The following RGS12 variants were observed in gnomAD, a reference collection of about 807,000 sequenced individuals.
RGS12 encodes the protein regulator of G-protein signaling 12.
RGS12 carries 66 observed loss-of-function variants against 120.1 expected under a neutral mutation model. The observed-to-expected ratio is 0.55, with a 90% CI of 0.45 to 0.67. The LOEUF (loss-of-function observed/expected upper bound fraction) is 0.67. Among genes scored for constraint, RGS12 ranks in the 30% least tolerant of loss-of-function variants. The pLI is 0.00. For missense variants in RGS12, 1,859 were observed against 1,957.7 expected, an observed-to-expected ratio of 0.95 and a Z score of 0.95; for synonymous variants, 827 against 804.7, an observed-to-expected ratio of 1.03 and a Z score of -0.47.
At chr4:3,421,964 C>T (rs527469277) in intron 10 of RGS12, among the ~76,000 whole-genome samples, 5 of 152,320 alleles carry the variant, frequency 3.3e-5, no homozygotes, top group African/African-American at 4.8e-5. Flanking sequence ...ACAGTCCAGG[C>T]GACGTTTCCA....
At chr4:3,297,347 C>A (rs1285433995) in intron 1 of RGS12, among the ~76,000 whole-genome samples, 1 of 152,190 alleles carries the variant, frequency 6.6e-6, no homozygotes, top group African/African-American at 2.4e-5. Flanking sequence ...CTGGCCGCAG[C>A]CCCCAGAGGC....
At chr4:3,438,343 C>T (rs1351117982) in intron 17 of RGS12, among the ~76,000 whole-genome samples, 4 of 149,504 alleles carry the variant, frequency 2.7e-5, no homozygotes, top group Admixed American at 2.0e-4. Flanking sequence ...TCCTCTGGGT[C>T]GGCAACGTCA....
intron 3 of RGS12, among the ~76,000 whole-genome samples, chr4:3,371,943 G>T (rs533723654): frequency 3.3e-5 from 5 of 152,254 alleles, no homozygotes; most frequent in East Asian, 1.9e-4. Flanking sequence ...CAAAGAGCAC[G>T]CGGGGGAGCT....
At position 3,389,978 on chromosome 4, in the gene RGS12, C is replaced by T. The variant is rs1210846967; in HGVS notation, c.2020+3541C>T. 6.6e-6 allele frequency among the ~76,000 whole-genome samples: 1 copy of T among 152,200 alleles called. No individual in the cohort carries two copies. The highest frequency in any genetic ancestry group is 2.4e-5 in the African/African-American group (1 of 41,442). On this transcript the variant is annotated intron_variant, in intron 4 of 17. Coordinates refer to ENST00000336727, the MANE Select transcript of RGS12 (RefSeq NM_001394154.1). The surrounding 1 kb of genome is among the most constrained non-coding windows in gnomAD (Gnocchi z 5.2). Reference sequence around the variant, plus strand: ...CCACTCTGTCCACTCAGCTGCCCCCCTACTCGTCCTCCATGCAGACCTCAG... The same window carrying T: ...CCACTCTGTCCACTCAGCTGCCCCCTTACTCGTCCTCCATGCAGACCTCAG...
rs1718860231 is a variant in RGS12 at position 3,386,413 on chromosome 4, C to T, written c.1999-3C>T. 6.2e-7 allele frequency: 1 copy of T among 1,612,324 alleles called. No homozygotes were observed. The highest frequency in any genetic ancestry group is 2.2e-5 in the East Asian group (1 of 44,870). On this transcript the variant is annotated splice_polypyrimidine_tract_variant and splice_region_variant and intron_variant, in intron 3 of 17. Transcript: ENST00000336727. ...ACTCATGTCTCTCTCTCTTTTCTTT[C>T]AGTCTGCAACTGTGTCTGATGGCGG...
At chr4:3,294,022 C>CTGTGGAGTGTAGACAGAGCCATGGAGTGT (rs1553925810) in intron 1 of RGS12, among the ~76,000 whole-genome samples, 3 of 152,246 alleles carry the variant, frequency 2.0e-5, no homozygotes, top group South Asian at 2.1e-4. Flanking sequence ...GGAGTGTGGA[C>CTGTGGAGTGTAGACAGAGCCATGGAGTGT]AGAGAGGACC....
intron 3 of RGS12, chr4:3,385,781 A>ACTGCTGGT (rs1361808428): frequency 6.5e-6 from 1 of 153,564 alleles, no homozygotes; most frequent in Non-Finnish European, 1.4e-5. Context: ...GCGTCTCCCC[A>ACTGCTGGT]ACCCTCCTGC....
In RGS12 at chr4:3,430,875, AG is replaced by A. The variant is rs1405929010; in HGVS notation, c.4039del (p.Asp1347ThrfsTer46). ...EHVAELTLMG[E>X]GDISSPNSTL... Reference sequence around the variant, plus strand: ...GTGGCCGAGCTGACCCTGATGGGGGAGGGGGACATCAGCAGCCCCAACAGCA... The same window carrying A: ...GTGGCCGAGCTGACCCTGATGGGGGAGGGGACATCAGCAGCCCCAACAGCA... On this transcript the variant is annotated frameshift_variant, in exon 17 of 18. Transcript: ENST00000336727. LOFTEE classifies it high-confidence loss of function. The A allele has an allele frequency of 6.2e-7, 1 of 1,612,312 alleles. No homozygotes were observed. Among genetic ancestry groups the A allele is most frequent in the Admixed American group, 1.7e-5 (1 of 59,912 alleles).
At chr4:3,423,182 G>A (rs775638105) in intron 12 of RGS12, among the ~76,000 whole-genome samples, 2 of 152,208 alleles carry the variant, frequency 1.3e-5, no homozygotes, top group Non-Finnish European at 2.9e-5. Flanking sequence ...TCTCCTCCCT[G>A]TCCCGTGAAC....
In RGS12 at chr4:3,372,653, C is replaced by G. The variant is rs551417793; in HGVS notation, c.1999-13763C>G. Among the ~76,000 whole-genome samples, 1 of 152,324 alleles carries G rather than the reference C, an allele frequency of 6.6e-6. No homozygotes were observed. Among genetic ancestry groups the G allele is most frequent in the South Asian group, 2.1e-4 (1 of 4,826 alleles). ...GTGGTTTTGTGACGTCTCAGGGTGT[C>G]CTTTCTTTCCTTCATGAGAAGAAGT... is the stretch of plus-strand genomic sequence containing the variant. On this transcript the variant is annotated intron_variant, in intron 3 of 17. Transcript: ENST00000336727. The surrounding 1 kb of genome is among the most constrained non-coding windows in gnomAD (Gnocchi z 4.3).
At chr4:3,342,600 C>T (rs759242010) in intron 2 of RGS12, 1 of 1,317,304 alleles carries the variant, frequency 7.6e-7, no homozygotes, top group Non-Finnish European at 9.9e-7. Context: ...ACTTTCCAAG[C>T]ACCCTTGCAC....
intron 3 of RGS12, among the ~76,000 whole-genome samples, chr4:3,368,898 G>T (rs1716673307): frequency 1.3e-5 from 2 of 152,102 alleles, no homozygotes; most frequent in South Asian, 4.1e-4. Context: ...TGCCTGCCAT[G>T]CCTGTCGTAC....
intron 3 of RGS12, 135 bp downstream of exon 3, chr4:3,343,188 T>A (rs71608278): frequency 0.046 from 29,278 of 631,228 alleles, 826 homozygotes; most frequent in South Asian, 0.088. Context: ...AACCCCTGTT[T>A]TCTGGGGGAC....
intron 1 of RGS12, among the ~76,000 whole-genome samples, chr4:3,302,476 T>A (rs1723739508): frequency 6.6e-6 from 1 of 152,234 alleles, no homozygotes; most frequent in African/African-American, 2.4e-5. Flanking sequence ...TCACGTTGTG[T>A]GGCCTTCAAA....
At chr4:3,358,941 C>T (rs1215384623) in intron 3 of RGS12, among the ~76,000 whole-genome samples, 3 of 79,678 alleles carry the variant, frequency 3.8e-5, no homozygotes, top group African/African-American at 1.6e-4. Context: ...TCCTCCCCTT[C>T]CTCCCCCTCC....
intron 3 of RGS12, among the ~76,000 whole-genome samples, chr4:3,347,285 A>T (rs1463690508): frequency 2.0e-5 from 3 of 152,152 alleles, no homozygotes; most frequent in Non-Finnish European, 4.4e-5. Context: ...TCTACTAAAA[A>T]TACAAAAAAT....
intron 3 of RGS12, among the ~76,000 whole-genome samples, chr4:3,382,498 G>T (rs955413462): frequency 6.6e-6 from 1 of 152,216 alleles, no homozygotes; most frequent in Admixed American, 6.5e-5. Context: ...CACCTTGGGA[G>T]ATCAACATCA....
At chr4:3,422,837 G>A (rs1217327974) in intron 11 of RGS12, 68 bp from the exon 12 acceptor site, 15 of 1,362,172 alleles carry the variant, frequency 1.1e-5, no homozygotes, top group Non-Finnish European at 1.4e-5. Flanking sequence ...TGTGCCTGGG[G>A]CACGTGGGTC....
intron 17 of RGS12, among the ~76,000 whole-genome samples, chr4:3,434,210 C>T (rs555992795): frequency 1.1e-3 from 161 of 152,244 alleles, no homozygotes; most frequent in African/African-American, 3.8e-3. Context: ...GTACGAGAAC[C>T]GGCAGAGGAA....
Sources: allele counts gnomAD v4.1 joint callset (sites outside exome capture counted in the v4.1 genomes callset), GRCh38; gene constraint gnomAD v4.1.1; non-coding constraint Gnocchi (gnomAD v3.1); transcripts MANE v1.5; gene names NCBI Gene and HGNC (gene_info 2026-07-23, HGNC 2026-07-21).